The following SEC16B variants were observed in gnomAD, a reference collection of about 807,000 sequenced individuals.
SEC16B encodes SEC16 homolog B, endoplasmic reticulum export factor, also known as protein transport protein Sec16B.
In SEC16B, 115 loss-of-function variants were observed where a neutral mutation model predicts 141.8. The ratio of observed to expected loss-of-function variants is 0.81; its 90% CI spans 0.70 to 0.95. The LOEUF is 0.95. Among genes scored for constraint, SEC16B ranks in the 40% least tolerant of loss-of-function variants. The pLI is 0.00. For synonymous variants in SEC16B, 493 were observed against 492.5 expected (o/e 1.00, Z -0.01); for missense variants, 1,291 against 1,312.3 (o/e 0.98, Z 0.25).
In SEC16B at chr1:177,967,858, T is replaced by C. The variant is rs1297225733; in HGVS notation, c.124A>G (p.Asn42Asp). ...HHRPVPHSWH[N>D]GERFHQWQDN... Reference sequence around the variant, plus strand: ...TGCCATTGGTGAAACCTCTCTCCATTGTGCCAAGAGTGAGGGACAGGCCGA... The same window carrying C: ...TGCCATTGGTGAAACCTCTCTCCATCGTGCCAAGAGTGAGGGACAGGCCGA... The change falls in exon 2 of 26, where the codon AAT becomes GAT. Residue 42 changes from asparagine to aspartate, a missense_variant. Asn to Asp is a conservative substitution (Grantham distance 23). Around this residue, in one of 3 missense-constraint regions of SEC16B, gnomAD observed 681 missense variants for 675.5 expected, o/e 1.01. Transcript: ENST00000308284. 1.2e-6 allele frequency: 2 copies of C among 1,613,964 alleles called. No individual in the cohort carries two copies. Among genetic ancestry groups the C allele is most frequent in the Admixed American group, 1.7e-5 (1 of 60,018 alleles).
In SEC16B at chr1:177,967,779, T is replaced by TGCTGATGGTCTGCC. The variant is rs1263702063; in HGVS notation, c.189_202dup (p.Gln68ArgfsTer53). 1.9e-5 allele frequency: 31 copies of TGCTGATGGTCTGCC among 1,614,038 alleles called. No homozygotes were observed. Among genetic ancestry groups the TGCTGATGGTCTGCC allele is most frequent in the Non-Finnish European group, 2.6e-5 (31 of 1,179,888 alleles). ...TGGCCTGGATGCATAATGGGGCTGC[T>TGCTGATGGTCTGCC]GCTGATGGTCTGCCCTGGGCTCCTG... On this transcript the variant is annotated frameshift_variant, in exon 2 of 26. Transcript: ENST00000308284. LOFTEE classifies it high-confidence loss of function.
Position 177,937,302 on chromosome 1 carries a change from A to C in SEC16B, c.2415T>G (p.His805Gln), listed in dbSNP as rs201661793. The C allele has an allele frequency of 9.3e-5, 150 of 1,613,826 alleles. 1 individual carries two copies. In the African/African-American group the frequency reaches 1.9e-3, roughly 21 times the overall value. The change falls in exon 19 of 26, where the codon CAT (histidine) becomes CAG (glutamine). Residue 805 changes from histidine to glutamine, a missense_variant. By Grantham distance (24) the His-to-Gln change is conservative. Around this residue, in one of 3 missense-constraint regions of SEC16B, gnomAD observed 605 missense variants for 614.1 expected, o/e 0.99. Transcript: ENST00000308284. ...CCACGCTGCTGCCAGTCCCTGGTAG[A>C]TGGGTCTCAGGAACTGAGTAAAAAG... ...PRPFYSVPETHLPGTGSSVAV... is the reference protein window; with the variant it reads ...PRPFYSVPETQLPGTGSSVAV...
At chr1:177,962,657 G>A (rs993058384) in intron 5 of SEC16B, among the ~76,000 whole-genome samples, 7 of 151,912 alleles carry the variant, frequency 4.6e-5, no homozygotes, top group African/African-American at 1.5e-4. Flanking sequence ...GAGGTGGAAG[G>A]ATCACCTGAG....
chr1:177,970,684 A>T (rs914086389), upstream of SEC16B, among the ~76,000 whole-genome samples: 2 of 152,250 alleles, frequency 1.3e-5, no homozygotes, highest in Non-Finnish European at 2.9e-5. Context: ...TGAAGGCACT[A>T]AAAAGTTTTC....
Position 177,932,732 on chromosome 1 carries a change from A to G in SEC16B, c.2898T>C (p.Pro966=), listed in dbSNP as rs1650534070. 5 of 1,606,902 alleles carry G rather than the reference A, an allele frequency of 3.1e-6. No homozygotes were observed. In the Admixed American group the frequency reaches 8.5e-5, roughly 27 times the overall value. Residue 966 remains proline, a synonymous_variant, in exon 23 of 26, where the codon CCT becomes CCC. Transcript: ENST00000308284. ...TGGAGAAGGCACTAACATCCGGCAG[A>G]GGTGGGGACTCAGGGGAAGGTGTCA... ...LSLTPSPESP[P]LPDVSAFSRG...
Position 177,958,902 on chromosome 1 carries a change from G to T in SEC16B, c.1072C>A (p.Leu358Met), listed in dbSNP as rs199661078. The T allele has an allele frequency of 2.5e-6, 4 of 1,613,792 alleles. No homozygotes were observed. Among genetic ancestry groups the T allele is most frequent in the East Asian group, 2.2e-5 (1 of 44,878 alleles). The change falls in exon 9 of 26, where the codon CTG becomes ATG. Residue 358 changes from leucine (L) to methionine (M), a missense_variant. Transcript: ENST00000308284. ...KAAQSCKSET[L>M]GSRDSALLWQ... The stretch of plus-strand genomic sequence containing the variant: ...AGTAGAGCTGAGTCTCTGCTCCCCA[G>T]TGTCTCAGATTTGCAGCTCTGAGCT...
At chr1:177,983,027 A>C (rs1469067546) in intron 1 of SEC16B, among the ~76,000 whole-genome samples, 1 of 152,170 alleles carries the variant, frequency 6.6e-6, no homozygotes, top group Admixed American at 6.6e-5. Flanking sequence ...TCTATTATAG[A>C]ATATCTCAAT....
rs1323141279 is a variant in SEC16B at position 177,961,631 on chromosome 1, T to A, written c.746A>T (p.Asp249Val). The change falls in exon 6 of 26, where the codon GAT becomes GTT. Residue 249 changes from aspartate to valine, a missense_variant. Around this residue, in one of 3 missense-constraint regions of SEC16B, gnomAD observed 681 missense variants for 675.5 expected, o/e 1.01. Coordinates refer to ENST00000308284, the MANE Select transcript of SEC16B (RefSeq NM_033127.4). ...CCAAGCTGCTGAAGCTGGGGGATCATCCCGCTCCGGGGCATCTCTGATGTA... is the reference window on the plus strand; with the variant it reads ...CCAAGCTGCTGAAGCTGGGGGATCAACCCGCTCCGGGGCATCTCTGATGTA... ...SQYIRDAPER[D>V]DPPASAAWSP... is the part of the protein sequence containing the mutation. 1 of 1,613,882 alleles carries A rather than the reference T, an allele frequency of 6.2e-7. No individual in the cohort carries two copies. The highest frequency in any genetic ancestry group is 8.5e-7 in the Non-Finnish European group (1 of 1,179,846).
chr1:177,929,616 T>G lies in SEC16B; in HGVS notation c.*242A>C. 1.9e-6 allele frequency: 1 copy of G among 523,260 alleles called. No individual in the cohort carries two copies. The highest frequency in any genetic ancestry group is 3.5e-6 in the Non-Finnish European group (1 of 288,434). The allele number at this position is 523,260 out of a possible 1,614,324, so 32.4% of individuals were successfully genotyped here. ...CACTCTGCTCATGTGCAGTCTGCTATTAGACCCAGACTTTCCACCTGATGA... is the reference window on the plus strand; with the variant it reads ...CACTCTGCTCATGTGCAGTCTGCTAGTAGACCCAGACTTTCCACCTGATGA... On this transcript the variant is annotated 3_prime_UTR_variant, in exon 26 of 26. Coordinates refer to ENST00000308284, the MANE Select transcript of SEC16B (RefSeq NM_033127.4).
intron 13 of SEC16B, among the ~76,000 whole-genome samples, chr1:177,947,526 C>T (rs1651802030): frequency 6.6e-6 from 1 of 151,888 alleles, no homozygotes; most frequent in South Asian, 2.1e-4. Context: ...CATTCACTCA[C>T]GGCAGAAATT....
Position 177,948,922 on chromosome 1 carries a change from TACACACACAC to T in SEC16B, c.1546-990_1546-981del, listed in dbSNP as rs71108020. ...TTAATCAATTACATGTAGGTATAAA[TACACACACAC>T]ACACACACACACACACACAGTTGGA... On this transcript the variant is annotated intron_variant, in intron 12 of 25. Transcript: ENST00000308284. Among the ~76,000 whole-genome samples the T allele has an allele frequency of 8.4e-3, 1,258 of 149,342 alleles. 17 individuals carry two copies. The highest frequency in any genetic ancestry group is 0.029 in the African/African-American group (1,192 of 40,688).
chr1:177,975,018 A>C (rs1367353890), upstream of SEC16B, among the ~76,000 whole-genome samples: 1 of 152,186 alleles, frequency 6.6e-6, no homozygotes, highest in Non-Finnish European at 1.5e-5. Context: ...AGAAACCAAG[A>C]ATTCCCTGTG....
Position 177,932,775 on chromosome 1 carries a change from G to A in SEC16B, c.2855C>T (p.Ala952Val), listed in dbSNP as rs768028219. Residue 952 changes from alanine to valine, a missense_variant, in exon 23 of 26, where the codon GCT becomes GTT. Ala to Val is a moderately conservative substitution (Grantham distance 64, BLOSUM62 0). Transcript: ENST00000308284. ...ETPRASSPHQ[A>V]GLGLSLTPSP... ...AGGTGTCAGTGAGAGGCCCAGGCCAGCCTGGTGGGGAGAAGATGCTCTGGG... is the reference window on the plus strand; with the variant it reads ...AGGTGTCAGTGAGAGGCCCAGGCCAACCTGGTGGGGAGAAGATGCTCTGGG... The A allele has an allele frequency of 6.2e-7, 1 of 1,612,938 alleles. No homozygotes were observed. The highest frequency in any genetic ancestry group is 1.3e-5 in the African/African-American group (1 of 75,072).
rs1415267729 is a variant in SEC16B, at chr1:177,962,528, C to T, written c.643-794G>A. ...AAAGCAGGAGGATCACTTGAGCCCA[C>T]GAATTTGAGACCCCAAATTGCAACA... On this transcript the variant is annotated intron_variant, in intron 5 of 25. Transcript: ENST00000308284. Among the ~76,000 whole-genome samples the T allele has an allele frequency of 2.1e-5, 3 of 146,338 alleles. No homozygotes were observed. In the East Asian group the frequency reaches 6.5e-4, roughly 32 times the overall value.
In SEC16B at chr1:177,937,232, G is replaced by A. The variant is rs779486785; in HGVS notation, c.2485C>T (p.Gln829Ter). 8.7e-6 allele frequency: 14 copies of A among 1,612,790 alleles called. No individual in the cohort carries two copies. The Admixed American group carries it at 2.2e-4, about 25-fold the overall frequency. Residue 829 changes from glutamine to a stop codon, truncating the protein, a stop_gained, in exon 19 of 26, where the codon CAG becomes TAG. Coordinates refer to ENST00000308284, the MANE Select transcript of SEC16B (RefSeq NM_033127.4). LOFTEE classifies it high-confidence loss of function. ...TGGTVWEEML[Q>*]THLGPGENTV... The stretch of plus-strand genomic sequence containing the variant: ...GTCTTACCAGGGCCCAGGTGTGTCT[G>A]CAGCATTTCCTCCCAGACTGTTCCT...
Position 177,932,530 on chromosome 1 carries a change from G to C in SEC16B, c.2972C>G (p.Ala991Gly). 1 of 1,559,624 alleles carries C rather than the reference G, an allele frequency of 6.4e-7. No homozygotes were observed. ...EGRGSASSGGAAAGAGVGGLS... is the reference protein window; with the variant it reads ...EGRGSASSGGGAAGAGVGGLS... The stretch of plus-strand genomic sequence containing the variant: ...GCCTCCAACCCCAGCGCCCGCAGCT[G>C]CTCCCCCGCTGGATGCGGATCCTCG... Residue 991 changes from alanine (A) to glycine (G), a missense_variant, in exon 24 of 26, where the codon GCA becomes GGA. By Grantham distance (60) the Ala-to-Gly change is moderately conservative. This residue lies in a region of SEC16B where 605 missense variants were observed against 614.1 expected (regional missense o/e 0.99). Transcript: ENST00000308284.
intron 11 of SEC16B, among the ~76,000 whole-genome samples, chr1:177,952,801 C>T (rs145700527): frequency 1.1e-4 from 17 of 152,222 alleles, no homozygotes; most frequent in South Asian, 6.2e-4. Context: ...GCCACAGGAG[C>T]TCCGAGCACG....
At chr1:177,949,523 G>GGAGA (rs1652007241) in intron 12 of SEC16B, among the ~76,000 whole-genome samples, 1 of 143,386 alleles carries the variant, frequency 7.0e-6, no homozygotes, top group South Asian at 2.3e-4. Context: ...AGGGGACACA[G>GGAGA]TAGAGAGAGA....
At chr1:177,949,809 T>C (rs189298706) in intron 12 of SEC16B, among the ~76,000 whole-genome samples, 117 of 152,294 alleles carry the variant, frequency 7.7e-4, no homozygotes, top group African/African-American at 2.7e-3. Flanking sequence ...ATTCATCACA[T>C]GGAACTGAAG....
Sources: allele counts gnomAD v4.1 joint callset (sites outside exome capture counted in the v4.1 genomes callset), GRCh38; gene constraint gnomAD v4.1.1; regional missense constraint gnomAD v4.1.1; transcripts MANE v1.5; gene names NCBI Gene and HGNC (gene_info 2026-07-23, HGNC 2026-07-21).